RBFOX1: variants seen among roughly 807,000 people sequenced by gnomAD.
RBFOX1 encodes the protein RNA binding protein fox-1 homolog 1.
Under a neutral mutation model 57.7 loss-of-function variants are expected in RBFOX1, and 8 were observed. The observed-to-expected ratio is 0.14, with a 90% CI of 0.08 to 0.25. The LOEUF is 0.25. Ranked by LOEUF, RBFOX1 falls within the 10% of genes least tolerant of loss-of-function variation. The pLI, the probability that RBFOX1 is intolerant of heterozygous loss-of-function variation, is 1.00. For synonymous variants in RBFOX1, 326 were observed against 222.4 expected (o/e 1.47, Z -4.15); for missense variants, 611 against 548.5 (o/e 1.11, Z -1.14).
At chr16:7,396,292 C>G (rs570429223) in intron 4 of RBFOX1, among the ~76,000 whole-genome samples, 1 of 152,322 alleles carries the variant, frequency 6.6e-6, no homozygotes. Flanking sequence ...GAAGATGACA[C>G]TCACAAACTG....
intron 3 of RBFOX1, among the ~76,000 whole-genome samples, chr16:6,770,566 A>G (rs1222069760): frequency 4.0e-5 from 6 of 151,784 alleles, no homozygotes; most frequent in Non-Finnish European, 8.8e-5. Context: ...AACCTAGGGA[A>G]TCTCACAATT....
intron 3 of RBFOX1, among the ~76,000 whole-genome samples, chr16:6,947,497 TGAAATAGAGC>T (rs1204423007): frequency 8.5e-5 from 13 of 152,150 alleles, no homozygotes; most frequent in African/African-American, 3.1e-4. Context: ...AGGAACACCC[TGAAATAGAGC>T]GAAAAAGAGA....
At chr16:7,084,175 A>G (rs1195759665) in intron 4 of RBFOX1, among the ~76,000 whole-genome samples, 1 of 152,204 alleles carries the variant, frequency 6.6e-6, no homozygotes, top group Non-Finnish European at 1.5e-5. Context: ...AGCATGATTC[A>G]GGTCCAAAGG....
At chr16:6,275,374 A>T (rs62016174) in intron 1 of RBFOX1, among the ~76,000 whole-genome samples, 9,765 of 152,266 alleles carry the variant, frequency 0.064, 376 homozygotes, top group Middle Eastern at 0.15. Flanking sequence ...ACATTTATTG[A>T]ACACTCACTG....
At chr16:5,997,908 A>C (rs1461266858) in intron 4 of RBFOX1, among the ~76,000 whole-genome samples, 5 of 152,202 alleles carry the variant, frequency 3.3e-5, no homozygotes, top group African/African-American at 1.2e-4. Context: ...GTTAGAGTAC[A>C]TAACATGAAA....
intron 2 of RBFOX1, among the ~76,000 whole-genome samples, chr16:6,618,057 A>T (rs2098169331): frequency 6.6e-6 from 1 of 152,106 alleles, no homozygotes; most frequent in Admixed American, 6.5e-5. Flanking sequence ...AAATGCAGCA[A>T]TCCTTGTGTT....
intron 4 of RBFOX1, among the ~76,000 whole-genome samples, chr16:7,336,169 C>G (rs1056736414): frequency 6.6e-6 from 1 of 152,168 alleles, no homozygotes; most frequent in Non-Finnish European, 1.5e-5. Context: ...CCAAGTCAGC[C>G]TCGAGTCCAG....
Position 5,823,709 on chromosome 16 carries a change from G to A in RBFOX1, c.319-43594G>A, listed in dbSNP as rs2055936569. 2.0e-5 allele frequency among the ~76,000 whole-genome samples: 3 copies of A among 152,158 alleles called. No homozygotes were observed. In the South Asian group the frequency reaches 6.2e-4, roughly 32 times the overall value. On this transcript the variant is annotated intron_variant, in intron 3 of 19. Coordinates refer to the RBFOX1 transcript ENST00000641259. ...AAATCCTATTGTGAACTGCACATGT[G>A]AGGGATCTAGGTTGCATGCTCCTTA...
intron 3 of RBFOX1, among the ~76,000 whole-genome samples, chr16:7,031,809 C>G (rs1020162636): frequency 6.6e-6 from 1 of 152,140 alleles, no homozygotes; most frequent in Non-Finnish European, 1.5e-5. Context: ...CTCATGGGGC[C>G]TGGCTCACAT....
At chr16:6,627,508 C>G (rs950842473) in intron 2 of RBFOX1, among the ~76,000 whole-genome samples, 3 of 152,136 alleles carry the variant, frequency 2.0e-5, no homozygotes, top group African/African-American at 7.2e-5. Flanking sequence ...CTGAAACAGT[C>G]ATAACACAGT....
At chr16:7,096,900 C>G (rs1453261045) in intron 4 of RBFOX1, among the ~76,000 whole-genome samples, 2 of 121,704 alleles carry the variant, frequency 1.6e-5, no homozygotes, top group Non-Finnish European at 3.1e-5. Context: ...CCACTGCACT[C>G]TAGCTTGGGT....
intron 2 of RBFOX1, among the ~76,000 whole-genome samples, chr16:6,452,619 C>T (rs1286973853): frequency 1.3e-5 from 2 of 152,188 alleles, no homozygotes; most frequent in Admixed American, 6.5e-5. Context: ...AAGCAAATAG[C>T]ATCAATGAGA....
chr16:7,171,546 T>C lies in RBFOX1; in HGVS notation c.27+119448T>C, dbSNP rs1443964780. The stretch of plus-strand genomic sequence containing the variant: ...AAATTCAGCACAAGGGGTAAAACTG[T>C]GGCCAAGAGGCCGCCTCAGTGTTTA... On this transcript the variant is annotated intron_variant, in intron 4 of 15. Coordinates refer to ENST00000550418, the MANE Select transcript of RBFOX1 (RefSeq NM_018723.4). Among the ~76,000 whole-genome samples the C allele has an allele frequency of 4.6e-5, 7 of 152,230 alleles. No homozygotes were observed. The East Asian group carries it at 1.3e-3, about 29-fold the overall frequency.
At chr16:5,437,974 C>T (rs2067968054) in intron 1 of RBFOX1, among the ~76,000 whole-genome samples, 1 of 152,174 alleles carries the variant, frequency 6.6e-6, no homozygotes. Flanking sequence ...AAGAAAGGAT[C>T]TGACCATGTC....
At chr16:5,265,978 A>G (rs538907700) in intron 1 of RBFOX1, among the ~76,000 whole-genome samples, 6 of 152,228 alleles carry the variant, frequency 3.9e-5, no homozygotes, top group African/African-American at 1.4e-4. Context: ...ATTTCAAGAA[A>G]AATCACTTGA....
At chr16:5,343,180 G>C (rs556595520) in intron 1 of RBFOX1, among the ~76,000 whole-genome samples, 11 of 152,190 alleles carry the variant, frequency 7.2e-5, no homozygotes, top group Non-Finnish European at 1.3e-4. Flanking sequence ...CTCAAGATGG[G>C]AGACAAAGAT....
intron 3 of RBFOX1, among the ~76,000 whole-genome samples, chr16:5,772,504 C>CAATTATATG (rs2151680950): frequency 6.6e-6 from 1 of 152,236 alleles, no homozygotes; most frequent in African/African-American, 2.4e-5. Context: ...AAATTCAACC[C>CAATTATATG]AATTATATGA....
chr16:6,003,172 C>T (rs567981782), intron 4 of RBFOX1, among the ~76,000 whole-genome samples: 19 of 151,784 alleles, frequency 1.3e-4, no homozygotes, highest in African/African-American at 4.1e-4. Context: ...CCAGGTACTC[C>T]GGAAGCTGAC....
At chr16:6,683,894 G>GT (rs1433347693) in intron 3 of RBFOX1, among the ~76,000 whole-genome samples, 2 of 152,194 alleles carry the variant, frequency 1.3e-5, no homozygotes, top group Non-Finnish European at 2.9e-5. Context: ...CGAAATGGTT[G>GT]TAAGAGTAGA....
Sources: gnomAD v4.1 joint callset for allele counts (sites outside exome capture counted in the v4.1 genomes callset) on GRCh38, gnomAD v4.1.1 for gene constraint, MANE v1.5 for transcripts, NCBI Gene and HGNC (gene_info 2026-07-23, HGNC 2026-07-21) for gene names.